The following SRP54 variants were observed in gnomAD, a reference collection of about 807,000 sequenced individuals.
SRP54 encodes signal recognition particle subunit SRP54.
SRP54 carries 10 observed loss-of-function variants against 64.8 expected under a neutral mutation model. The ratio of observed to expected loss-of-function variants is 0.15; its 90% CI spans 0.10 to 0.26. SRP54 has a LOEUF of 0.26. Ranked by LOEUF, SRP54 falls within the 10% of genes least tolerant of loss-of-function variation. The pLI is 1.00. For synonymous variants in SRP54, 193 were observed against 185.6 expected, an observed-to-expected ratio of 1.04 and a Z score of -0.32; for missense variants, 325 against 613.7, an observed-to-expected ratio of 0.53 and a Z score of 4.97.
intron 1 of SRP54, among the ~76,000 whole-genome samples, chr14:34,989,603 G>A (rs766902066): frequency 1.3e-5 from 2 of 152,126 alleles, no homozygotes; most frequent in African/African-American, 2.4e-5. Context: ...TGTAGAGAAA[G>A]GTGGGTTTTT....
intron 7 of SRP54, 105 bp from the exon 8 acceptor site, chr14:35,011,404 G>C (rs1425482962): frequency 2.5e-6 from 2 of 791,382 alleles, no homozygotes; most frequent in Non-Finnish European, 3.7e-6. Context: ...TGAAATTGGG[G>C]TCATTTTGGC....
intron 4 of SRP54, among the ~76,000 whole-genome samples, chr14:35,005,004 A>G (rs1035661749): frequency 6.6e-5 from 10 of 152,158 alleles, no homozygotes; most frequent in African/African-American, 2.4e-4. Context: ...CGTGATTTCT[A>G]TTGCAACTAC....
intron 15 of SRP54, among the ~76,000 whole-genome samples, chr14:35,028,766 A>T (rs1214497300): frequency 3.3e-5 from 5 of 152,048 alleles, no homozygotes; most frequent in African/African-American, 9.7e-5. Context: ...TAAGAAAAAA[A>T]TTTTTTGTTT....
chr14:35,014,290 T>TTTTTTTTTTTTTTTTTTTTTTTTTG lies in SRP54; in HGVS notation c.886+392_886+393insTTTTTTTTTTTTTTTTTTTTGTTTT, dbSNP rs376712278. 2.7e-3 allele frequency among the ~76,000 whole-genome samples: 344 copies of TTTTTTTTTTTTTTTTTTTTTTTTTG among 127,240 alleles called. 19 individuals are homozygous for TTTTTTTTTTTTTTTTTTTTTTTTTG. Among genetic ancestry groups the TTTTTTTTTTTTTTTTTTTTTTTTTG allele is most frequent in the East Asian group, 6.0e-3 (22 of 3,672 alleles). The allele number at this position is 127,240 out of a possible 152,430, so 83.5% of individuals were successfully genotyped here. On this transcript the variant is annotated intron_variant, in intron 10 of 15. Coordinates refer to ENST00000216774, the MANE Select transcript of SRP54 (RefSeq NM_003136.4). ...TGCCACTTAACTTTTTTTTTTTTTT[T>TTTTTTTTTTTTTTTTTTTTTTTTTG]TTTTGAGACGGAGTTTCGCTCTTGT...
At chr14:35,018,604 A>G (rs1056095552) in intron 11 of SRP54, 88 bp from the exon 12 acceptor site, 3 of 1,018,428 alleles carry the variant, frequency 2.9e-6, no homozygotes, top group African/African-American at 3.3e-5. Context: ...ATGCTTCAAG[A>G]TGAATTCATG....
chr14:34,999,582 G>A lies in SRP54; in HGVS notation c.103G>A (p.Val35Ile). 1 of 1,613,196 alleles carries A rather than the reference G, an allele frequency of 6.2e-7. No homozygotes were observed. Among genetic ancestry groups the A allele is most frequent in the Non-Finnish European group, 8.5e-7 (1 of 1,179,446 alleles). The change falls in exon 3 of 16, where the codon GTC becomes ATC. Residue 35 changes from valine to isoleucine, a missense_variant. Transcript: ENST00000216774. ...GGTATTGAATGCTATGCTAAAAGAA[G>A]TCTGTACCGCTTTGTTGGAAGCAGA... ...EEVLNAMLKE[V>I]CTALLEADVN...
chr14:35,022,378 A>G (rs1405399426), intron 13 of SRP54, among the ~76,000 whole-genome samples: 3 of 150,064 alleles, frequency 2.0e-5, no homozygotes, highest in East Asian at 3.9e-4. Context: ...TTTTTTTGAG[A>G]TGGAGTCTCG....
At chr14:34,999,190 T>C (rs1226062707) in intron 2 of SRP54, among the ~76,000 whole-genome samples, 1 of 151,888 alleles carries the variant, frequency 6.6e-6, no homozygotes, top group Non-Finnish European at 1.5e-5. Flanking sequence ...CATTTTTGTA[T>C]TTTTAGTAGA....
intron 14 of SRP54, among the ~76,000 whole-genome samples, chr14:35,024,377 T>C (rs995028809): frequency 2.0e-5 from 3 of 152,166 alleles, no homozygotes; most frequent in Non-Finnish European, 2.9e-5. Flanking sequence ...TGTTTTTACA[T>C]TATTAAGTTT....
At chr14:35,007,653 A>G (rs942127334) in intron 5 of SRP54, among the ~76,000 whole-genome samples, 4 of 101,668 alleles carry the variant, frequency 3.9e-5, no homozygotes, top group African/African-American at 1.3e-4. Context: ...AATAAAATAT[A>G]TTTACATAAA....
chr14:35,010,062 C>T (rs951137081), intron 7 of SRP54, among the ~76,000 whole-genome samples: 2 of 151,368 alleles, frequency 1.3e-5, no homozygotes, highest in Non-Finnish European at 2.9e-5. Context: ...GCAGAAGAAT[C>T]GCTTGAATCT....
At chr14:35,027,722 C>G (rs1049913265) in intron 14 of SRP54, 1 of 154,098 alleles carries the variant, frequency 6.5e-6, no homozygotes, top group African/African-American at 2.4e-5. Flanking sequence ...CGCCACTGCA[C>G]TCTAGCCTGG....
chr14:34,991,127 T>TTTTGTTGTTG (rs1555352960), intron 1 of SRP54, among the ~76,000 whole-genome samples: 1 of 123,130 alleles, frequency 8.1e-6, no homozygotes, highest in Non-Finnish European at 1.7e-5. Context: ...TTTTTTTTTT[T>TTTTGTTGTTG]TTGTTGTTGT....
intron 9 of SRP54, 61 bp from the exon 10 acceptor site, chr14:35,013,741 G>A (rs2044391410): frequency 2.1e-6 from 3 of 1,443,074 alleles, no homozygotes; most frequent in Non-Finnish European, 1.9e-6. Flanking sequence ...TCGAATTTCA[G>A]ATCTGCTGGA....
intron 1 of SRP54, among the ~76,000 whole-genome samples, chr14:34,983,805 A>G (rs972203616): frequency 6.6e-6 from 1 of 152,236 alleles, no homozygotes; most frequent in Admixed American, 6.5e-5. Context: ...TACAGAAATG[A>G]ATAACACTAA....
chr14:34,991,109 C>CTTTTTTTTTTTTTTTTTTTTTTT (rs71435838), intron 1 of SRP54, among the ~76,000 whole-genome samples: 1 of 111,086 alleles, frequency 9.0e-6, no homozygotes, highest in African/African-American at 3.3e-5. Flanking sequence ...AATTTCTTTT[C>CTTTTTTTTTTTTTTTTTTTTTTT]TTTTTTTTTT....
At chr14:35,014,889 A>T (rs1458616864) in intron 11 of SRP54, 59 bp downstream of exon 11, 2 of 1,279,750 alleles carry the variant, frequency 1.6e-6, no homozygotes, top group Non-Finnish European at 2.2e-6. Flanking sequence ...TTTTTTTATA[A>T]AGTTACTATT....
At chr14:34,996,535 T>C in intron 1 of SRP54, 142 bp from the exon 2 acceptor site, 1 of 513,530 alleles carries the variant, frequency 1.9e-6, no homozygotes, top group South Asian at 3.3e-5. Flanking sequence ...GACATGACTG[T>C]ATTTAAGCAC....
chr14:35,017,828 A>G (rs1249886637), intron 11 of SRP54, among the ~76,000 whole-genome samples: 1 of 152,210 alleles, frequency 6.6e-6, no homozygotes, highest in African/African-American at 2.4e-5. Flanking sequence ...ACTTCATATT[A>G]TAGAAGTCCT....
Sources: allele counts gnomAD v4.1 joint callset (sites outside exome capture counted in the v4.1 genomes callset), GRCh38; gene constraint gnomAD v4.1.1; transcripts MANE v1.5; gene names NCBI Gene and HGNC (gene_info 2026-07-23, HGNC 2026-07-21).